EMID1: variants seen among roughly 807,000 people sequenced by gnomAD.
EMID1 encodes the protein EMI domain-containing protein 1.
EMID1 carries 40 observed loss-of-function variants against 60.6 expected under a neutral mutation model. That is an observed-to-expected ratio of 0.66 (90% CI 0.51 to 0.86). The LOEUF (loss-of-function observed/expected upper bound fraction) is 0.86, where lower values mean the gene tolerates loss of function less well. EMID1 is among the 40% of genes least tolerant of loss of function. EMID1 has a pLI of 0.00. For missense variants in EMID1, 585 were observed against 597.1 expected (o/e 0.98, Z 0.21); for synonymous variants, 242 against 231.0 (o/e 1.05, Z -0.43).
chr22:29,223,278 G>A (rs550387757), intron 3 of EMID1, among the ~76,000 whole-genome samples: 1 of 152,142 alleles, frequency 6.6e-6, no homozygotes, highest in South Asian at 2.1e-4. Context: ...GGTAGATAAT[G>A]CAATGGGAAA....
chr22:29,250,733 ATTTTTTTTTTTTTTT>A lies in EMID1; in HGVS notation c.1120-3449_1120-3435del, dbSNP rs748172215. Among the ~76,000 whole-genome samples, 38 of 22,488 alleles carry A rather than the reference ATTTTTTTTTTTTTTT, an allele frequency of 1.7e-3. 1 individual carries two copies. Among genetic ancestry groups the A allele is most frequent in the Admixed American group, 0.014 (18 of 1,268 alleles). The allele number at this position is 22,488 out of a possible 152,430, so 14.8% of individuals were successfully genotyped here. The stretch of plus-strand genomic sequence containing the variant: ...AGGCATGCACCACCACACCCGGCTA[ATTTTTTTTTTTTTTT>A]TTTTTTTTTTTTTTTTTTTTAGTAG... On this transcript the variant is annotated intron_variant, in intron 13 of 14. Transcript: ENST00000334018.
In EMID1 at chr22:29,259,203, G is replaced by A. The variant is rs1190317967; in HGVS notation, c.*259G>A. On this transcript the variant is annotated 3_prime_UTR_variant, in exon 15 of 15. Coordinates refer to ENST00000334018, the MANE Select transcript of EMID1 (RefSeq NM_133455.4). ...GGCAGGCCTTCAAGGAGGGATAGAG[G>A]TACAAGGCTTCGTCTCATCTGCTGT... 7.6e-6 allele frequency: 4 copies of A among 527,660 alleles called. No homozygotes were observed. The African/African-American group carries it at 8.0e-5, about 11-fold the overall frequency. The allele number at this position is 527,660 out of a possible 1,614,324, so 32.7% of individuals were successfully genotyped here.
chr22:29,254,409 G>C, intron 14 of EMID1, 122 bp downstream of exon 14: 1 of 930,714 alleles, frequency 1.1e-6, no homozygotes, highest in Non-Finnish European at 1.7e-6. Context: ...CCTGCCCCAG[G>C]CAAGCATGGA....
At chr22:29,216,409 G>A (rs2040084211) in intron 3 of EMID1, 1 of 985,344 alleles carries the variant, frequency 1.0e-6, no homozygotes, top group Admixed American at 6.1e-5. Flanking sequence ...TGGACACCAA[G>A]AGCTGTGTTT....
chr22:29,244,984 G>A (rs1019128002), intron 13 of EMID1, among the ~76,000 whole-genome samples: 1 of 152,116 alleles, frequency 6.6e-6, no homozygotes, highest in African/African-American at 2.4e-5. Context: ...ACAAGTTAGT[G>A]AGGATGTGGG....
At chr22:29,246,122 A>G (rs5752889) in intron 13 of EMID1, among the ~76,000 whole-genome samples, 20,131 of 152,264 alleles carry the variant, frequency 0.13, 1,521 homozygotes, top group East Asian at 0.23. Context: ...TTAACCAGGC[A>G]CGGAGTGTCC....
At chr22:29,216,846 C>T (rs1031560269) in intron 3 of EMID1, among the ~76,000 whole-genome samples, 2 of 152,236 alleles carry the variant, frequency 1.3e-5, no homozygotes, top group African/African-American at 2.4e-5. Flanking sequence ...GGGAAGAAAC[C>T]GGGTGGCTAG....
chr22:29,258,088 A>G (rs942709514), intron 14 of EMID1, among the ~76,000 whole-genome samples: 3 of 152,174 alleles, frequency 2.0e-5, no homozygotes, highest in Non-Finnish European at 2.9e-5. Flanking sequence ...TATCTGTCCT[A>G]TGGAGGCTTA....
At chr22:29,243,545 G>T in intron 13 of EMID1, 56 bp downstream of exon 13, 2 of 1,606,162 alleles carry the variant, frequency 1.2e-6, no homozygotes, top group Non-Finnish European at 1.7e-6. Context: ...ACATGCTCAA[G>T]AGAGTATTCC....
chr22:29,211,824 T>A (rs1164015576), intron 1 of EMID1, among the ~76,000 whole-genome samples: 1 of 152,224 alleles, frequency 6.6e-6, no homozygotes, highest in African/African-American at 2.4e-5. Flanking sequence ...TGGGCCAGCC[T>A]GGTGAGTGTC....
chr22:29,215,733 C>T lies in EMID1; in HGVS notation c.319+103C>T. ...CTATTAAGAGAGTCATGCACAGTAC[C>T]ATGCCTGCTGGGGCCAGCTGCACAG... is the stretch of plus-strand genomic sequence containing the variant. On this transcript the variant is annotated intron_variant, in intron 3 of 14. Coordinates refer to ENST00000334018, the MANE Select transcript of EMID1 (RefSeq NM_133455.4). The T allele has an allele frequency of 3.3e-6, 3 of 902,238 alleles. No individual in the cohort carries two copies. In the South Asian group the frequency reaches 4.4e-5, roughly 13 times the overall value. The allele number at this position is 902,238 out of a possible 1,614,324, so 55.9% of individuals were successfully genotyped here.
chr22:29,243,111 T>C (rs1468016986), intron 12 of EMID1, among the ~76,000 whole-genome samples: 2 of 150,186 alleles, frequency 1.3e-5, no homozygotes, highest in Non-Finnish European at 3.0e-5. Context: ...CTCTGATTCC[T>C]GAGGCCAATA....
At chr22:29,246,184 C>T (rs1355350718) in intron 13 of EMID1, among the ~76,000 whole-genome samples, 1 of 152,172 alleles carries the variant, frequency 6.6e-6, no homozygotes, top group Non-Finnish European at 1.5e-5. Context: ...AAGAGGGAGC[C>T]TCGGATATTT....
Position 29,215,624 on chromosome 22 carries a change from G to C in EMID1, c.313G>C (p.Glu105Gln). ...CCPGHSGVSC[E>Q]EVAASSASLE... ...CCCTGGGCACTCAGGAGTGAGCTGC[G>C]AGGAAGGTAGGACTGCCCGGCCGGC... Residue 105 changes from glutamate (E) to glutamine (Q), a missense_variant, in exon 3 of 15, where the codon GAG becomes CAG. Physicochemically the swap from Glu to Gln is conservative, Grantham distance 29. Transcript: ENST00000334018. 1 of 1,613,928 alleles carries C rather than the reference G, an allele frequency of 6.2e-7. No homozygotes were observed. Among genetic ancestry groups the C allele is most frequent in the Non-Finnish European group, 8.5e-7 (1 of 1,179,872 alleles).
chr22:29,232,100 C>T (rs2040769444), intron 7 of EMID1, 156 bp from the exon 8 acceptor site: 1 of 754,802 alleles, frequency 1.3e-6, no homozygotes, highest in Non-Finnish European at 2.2e-6. Context: ...AGGTGCTGTG[C>T]TCATCCCCCT....
intron 1 of EMID1, among the ~76,000 whole-genome samples, chr22:29,213,649 C>T (rs1407466623): frequency 2.6e-5 from 4 of 152,234 alleles, no homozygotes; most frequent in African/African-American, 9.6e-5. Context: ...GCTCAGCAGC[C>T]CTCAGCCCTG....
chr22:29,248,977 A>G (rs1235775966), intron 13 of EMID1, among the ~76,000 whole-genome samples: 3 of 152,192 alleles, frequency 2.0e-5, no homozygotes, highest in African/African-American at 7.2e-5. Flanking sequence ...GTATGACTGT[A>G]TTGAGCCACA....
intron 2 of EMID1, 52 bp from the exon 3 acceptor site, chr22:29,215,475 G>A: frequency 6.4e-7 from 1 of 1,553,134 alleles, no homozygotes; most frequent in Non-Finnish European, 8.9e-7. Flanking sequence ...AGGGCAGTGG[G>A]AGAGGTCATG....
At chr22:29,254,538 G>A in intron 14 of EMID1, 1 of 462,648 alleles carries the variant, frequency 2.2e-6, no homozygotes, top group South Asian at 2.4e-5. Flanking sequence ...AAGCATTATG[G>A]GTAGTGTGGT....
Sources: gnomAD v4.1 joint callset for allele counts (sites outside exome capture counted in the v4.1 genomes callset) on GRCh38, gnomAD v4.1.1 for gene constraint, MANE v1.5 for transcripts, NCBI Gene and HGNC (gene_info 2026-07-23, HGNC 2026-07-21) for gene names.